The following PRKG1 variants were observed in gnomAD, a reference collection of about 807,000 sequenced individuals.
PRKG1 encodes protein kinase cGMP-dependent 1.
A neutral mutation model predicts 88.1 loss-of-function variants in PRKG1; 35 were observed. That is an observed-to-expected ratio of 0.40 (90% CI 0.30 to 0.53). The LOEUF (loss-of-function observed/expected upper bound fraction) is 0.53. Among genes scored for constraint, PRKG1 ranks in the 20% least tolerant of loss-of-function variants. PRKG1 has a pLI of 0.59. For missense variants in PRKG1, 540 were observed against 839.8 expected (o/e 0.64, Z 4.41); for synonymous variants, 303 against 292.5 (o/e 1.04, Z -0.37).
chr10:51,903,967 T>G (rs1842033371), intron 4 of PRKG1, among the ~76,000 whole-genome samples: 1 of 152,132 alleles, frequency 6.6e-6, no homozygotes, highest in Non-Finnish European at 1.5e-5. Context: ...AAATTTATAT[T>G]ATCTATAAAA....
At position 52,174,429 on chromosome 10, in the gene PRKG1, C is replaced by T. The variant is rs575723531; in HGVS notation, c.1076+12466C>T. Among the ~76,000 whole-genome samples the T allele has an allele frequency of 5.1e-4, 78 of 151,988 alleles. 1 individual carries two copies. The highest frequency in any genetic ancestry group is 1.3e-3 in the Admixed American group (20 of 15,272). ...TGATTAATATTAATATTCTCTTCTGCACTGACATGAGTGATCAGAGCAATA... is the reference window on the plus strand; with the variant it reads ...TGATTAATATTAATATTCTCTTCTGTACTGACATGAGTGATCAGAGCAATA... On this transcript the variant is annotated intron_variant, in intron 9 of 17. Coordinates refer to ENST00000373980, the MANE Select transcript of PRKG1 (RefSeq NM_006258.4).
At chr10:51,048,195 C>A (rs1302222236) in intron 1 of PRKG1, among the ~76,000 whole-genome samples, 1 of 151,984 alleles carries the variant, frequency 6.6e-6, no homozygotes, top group Non-Finnish European at 1.5e-5. Flanking sequence ...TTCCTTCTTC[C>A]TTTGTTCTTT....
At chr10:51,614,491 C>T (rs1838994636) in intron 3 of PRKG1, among the ~76,000 whole-genome samples, 1 of 151,248 alleles carries the variant, frequency 6.6e-6, no homozygotes, top group Non-Finnish European at 1.5e-5. Context: ...TTCCGCCAGT[C>T]TATACTTTTT....
chr10:51,756,727 A>G (rs1564634583), intron 3 of PRKG1, among the ~76,000 whole-genome samples: 2 of 151,890 alleles, frequency 1.3e-5, no homozygotes, highest in Non-Finnish European at 2.9e-5. Flanking sequence ...AGGCAGGAGG[A>G]TGGCGTGAAC....
rs554116628 is a variant in PRKG1, at chr10:51,332,844, G to C, written c.479-134879G>C. Among the ~76,000 whole-genome samples, 3 of 152,324 alleles carry C rather than the reference G, an allele frequency of 2.0e-5. No homozygotes were observed. In the East Asian group the frequency reaches 5.8e-4, roughly 29 times the overall value. ...ACAGACCTAAGTTCTGAGTGACCCAGGCAGCCTTCTGTTGGTCTCTCTGAT... is the reference window on the plus strand; with the variant it reads ...ACAGACCTAAGTTCTGAGTGACCCACGCAGCCTTCTGTTGGTCTCTCTGAT... On this transcript the variant is annotated intron_variant, in intron 2 of 17. Coordinates refer to ENST00000373980, the MANE Select transcript of PRKG1 (RefSeq NM_006258.4).
chr10:51,276,542 T>G (rs1330970260), intron 2 of PRKG1, among the ~76,000 whole-genome samples: 1 of 152,214 alleles, frequency 6.6e-6, no homozygotes, highest in African/African-American at 2.4e-5. Flanking sequence ...ATCACCACAC[T>G]GTCTTCCACA....
intron 4 of PRKG1, among the ~76,000 whole-genome samples, chr10:51,898,742 A>G (rs1225656733): frequency 4.6e-5 from 7 of 152,228 alleles, no homozygotes; most frequent in Non-Finnish European, 1.0e-4. Context: ...GCTGGAGCCC[A>G]GAAGGTTAAA....
intron 4 of PRKG1, among the ~76,000 whole-genome samples, chr10:51,883,833 A>G (rs926477193): frequency 6.6e-6 from 1 of 152,134 alleles, no homozygotes; most frequent in African/African-American, 2.4e-5. Context: ...CTCCACCTTT[A>G]TCGTCTTCCT....
intron 3 of PRKG1, among the ~76,000 whole-genome samples, chr10:51,499,507 T>A (rs896084753): frequency 4.6e-5 from 7 of 152,218 alleles, no homozygotes; most frequent in East Asian, 3.9e-4. Flanking sequence ...TGTAATTTTA[T>A]CTAATTATCT....
At position 52,075,384 on chromosome 10, in the gene PRKG1, G is replaced by A. The variant is rs975288718; in HGVS notation, c.935+12753G>A. Among the ~76,000 whole-genome samples the A allele has an allele frequency of 2.0e-5, 3 of 152,160 alleles. No individual in the cohort carries two copies. In the South Asian group the frequency reaches 6.2e-4, roughly 31 times the overall value. ...TACTAAGATTTTTTTGGTTGAAATT[G>A]ACAAGATGATTTTAAAATTTATGTG... On this transcript the variant is annotated intron_variant, in intron 7 of 17. Coordinates refer to ENST00000373980, the MANE Select transcript of PRKG1 (RefSeq NM_006258.4).
intron 2 of PRKG1, among the ~76,000 whole-genome samples, chr10:51,339,795 A>T (rs1476242278): frequency 6.6e-6 from 1 of 152,102 alleles, no homozygotes; most frequent in African/African-American, 2.4e-5. Context: ...CTATGATTTA[A>T]GTATTATCTT....
intron 7 of PRKG1, among the ~76,000 whole-genome samples, chr10:52,119,228 A>G (rs1847759303): frequency 6.6e-6 from 1 of 152,190 alleles, no homozygotes; most frequent in Non-Finnish European, 1.5e-5. Context: ...GACCATGATA[A>G]TTAGAACTTT....
intron 7 of PRKG1, among the ~76,000 whole-genome samples, chr10:52,081,829 G>A (rs1278737116): frequency 2.0e-5 from 3 of 152,046 alleles, no homozygotes; most frequent in African/African-American, 7.2e-5. Context: ...AAGGAGATAA[G>A]AAAGTGAGCC....
chr10:51,356,542 C>T (rs1433119363), intron 2 of PRKG1, among the ~76,000 whole-genome samples: 1 of 151,838 alleles, frequency 6.6e-6, no homozygotes, highest in Admixed American at 6.6e-5. Context: ...CTGTGCTCCC[C>T]GCTCCTCCAC....
intron 3 of PRKG1, among the ~76,000 whole-genome samples, chr10:51,514,917 A>G (rs549928778): frequency 1.2e-3 from 181 of 152,292 alleles, no homozygotes; most frequent in Non-Finnish European, 2.1e-3. Flanking sequence ...TTTGGGCCAG[A>G]TAATTCTTTG....
intron 3 of PRKG1, among the ~76,000 whole-genome samples, chr10:51,622,529 C>G (rs1280011497): frequency 6.6e-6 from 1 of 152,108 alleles, no homozygotes; most frequent in African/African-American, 2.4e-5. Context: ...TCCAGGGACT[C>G]TATACTGGAA....
intron 1 of PRKG1, among the ~76,000 whole-genome samples, chr10:51,147,742 G>A (rs1845976390): frequency 6.6e-6 from 1 of 152,172 alleles, no homozygotes; most frequent in Non-Finnish European, 1.5e-5. Context: ...TGTATCAAAT[G>A]CTAATTATAG....
At chr10:51,717,831 CAAAAAAAA>C (rs776653787) in intron 3 of PRKG1, among the ~76,000 whole-genome samples, 31 of 68,856 alleles carry the variant, frequency 4.5e-4, no homozygotes, top group African/African-American at 1.6e-3. Flanking sequence ...GACTCTGTCT[CAAAAAAAA>C]AAAAAAAAGA....
At chr10:51,628,014 CTT>C (rs1564579887) in intron 3 of PRKG1, among the ~76,000 whole-genome samples, 946 of 54,812 alleles carry the variant, frequency 0.017, 20 homozygotes, top group East Asian at 0.061. Flanking sequence ...CTCTCTCTTT[CTT>C]TCTTTCTTTC....
Sources: gnomAD v4.1 joint callset for allele counts (sites outside exome capture counted in the v4.1 genomes callset) on GRCh38, gnomAD v4.1.1 for gene constraint, MANE v1.5 for transcripts, NCBI Gene and HGNC (gene_info 2026-07-23, HGNC 2026-07-21) for gene names.